The following ITGB1 variants were observed in gnomAD, a reference collection of about 807,000 sequenced individuals.
The protein encoded by ITGB1 is integrin subunit beta 1.
In ITGB1, 24 loss-of-function variants were observed where a neutral mutation model predicts 86.5. The observed-to-expected ratio is 0.28, with a 90% CI of 0.20 to 0.39. ITGB1 has a LOEUF of 0.39. ITGB1 is among the 10% of genes least tolerant of loss of function. The pLI is 1.00. For missense variants in ITGB1, 556 were observed against 946.9 expected, an observed-to-expected ratio of 0.59 and a Z score of 5.42; for synonymous variants, 323 against 316.8, an observed-to-expected ratio of 1.02 and a Z score of -0.21.
intron 5 of ITGB1, among the ~76,000 whole-genome samples, chr10:32,927,617 C>A (rs2094969262): frequency 6.6e-6 from 1 of 151,922 alleles, no homozygotes; most frequent in Non-Finnish European, 1.5e-5. Context: ...CATGGTGAAA[C>A]CCCCATCTCT....
At chr10:32,957,103 T>C (rs903868442) in intron 1 of ITGB1, among the ~76,000 whole-genome samples, 1 of 152,126 alleles carries the variant, frequency 6.6e-6, no homozygotes, top group Admixed American at 6.5e-5. Context: ...AAATAATACA[T>C]GTAAAATGCC....
intron 1 of ITGB1, among the ~76,000 whole-genome samples, chr10:32,948,668 G>A (rs527654798): frequency 6.6e-6 from 1 of 152,226 alleles, no homozygotes; most frequent in South Asian, 2.1e-4. Context: ...GATAAAAGAC[G>A]GAGTTTGGCC....
chr10:32,919,214 C>T lies in ITGB1; in HGVS notation c.1469+671G>A, dbSNP rs574247434. On this transcript the variant is annotated intron_variant, in intron 11 of 15. Coordinates refer to ENST00000302278, the MANE Select transcript of ITGB1 (RefSeq NM_002211.4). ...GCCTTCTAAGCCTAGTCTTTTGGGG[C>T]TGACACTGGATTAAACACTCTTCCC... Among the ~76,000 whole-genome samples the T allele has an allele frequency of 7.9e-5, 12 of 152,208 alleles. No homozygotes were observed. In the East Asian group the frequency reaches 2.1e-3, roughly 27 times the overall value.
intron 15 of ITGB1, among the ~76,000 whole-genome samples, chr10:32,905,040 T>C (rs915388337): frequency 7.9e-5 from 8 of 100,832 alleles, no homozygotes; most frequent in African/African-American, 2.1e-4. Context: ...AAAAAATATG[T>C]ATTAAAAAAA....
At chr10:32,956,585 G>T (rs2095052741) in intron 1 of ITGB1, among the ~76,000 whole-genome samples, 1 of 152,158 alleles carries the variant, frequency 6.6e-6, no homozygotes, top group Admixed American at 6.5e-5. Flanking sequence ...GCAGGCGCCT[G>T]TAGTCCCAGC....
In ITGB1 at chr10:32,928,217, G is replaced by T; in HGVS notation, c.424C>A (p.Pro142Thr). ...TCCATAAGGTAGTAGAGGTCAATGG[G>T]ATAGTCTTCAGCTCTCTTGAATTTT... ...TLKFKRAEDY[P>T]IDLYYLMDLS... The change falls in exon 5 of 16, where the codon CCC becomes ACC. Residue 142 changes from proline (P) to threonine (T), a missense_variant. Pro to Thr is a conservative substitution (Grantham distance 38, BLOSUM62 -1). Coordinates refer to ENST00000302278, the MANE Select transcript of ITGB1 (RefSeq NM_002211.4). 1.0e-6 allele frequency: 1 copy of T among 955,844 alleles called. No individual in the cohort carries two copies. Among genetic ancestry groups the T allele is most frequent in the Non-Finnish European group, 1.7e-6 (1 of 578,414 alleles). The allele number at this position is 955,844 out of a possible 1,614,324, so 59.2% of individuals were successfully genotyped here.
Position 32,920,189 on chromosome 10 carries a change from T to G in ITGB1, c.1269+56A>C, listed in dbSNP as rs1047793723. ...TTTTAATGTTTCTCAAACTATAAACTAAATTTGCTTATAAATAACCAATGT... is the reference window on the plus strand; with the variant it reads ...TTTTAATGTTTCTCAAACTATAAACGAAATTTGCTTATAAATAACCAATGT... On this transcript the variant is annotated intron_variant, in intron 10 of 15. Transcript: ENST00000302278. 3 of 1,578,360 alleles carry G rather than the reference T, an allele frequency of 1.9e-6. No individual in the cohort carries two copies. The Admixed American group carries it at 5.3e-5, about 28-fold the overall frequency.
Position 32,911,613 on chromosome 10 carries a change from G to T in ITGB1, c.1766C>A (p.Ala589Glu). 6.2e-7 allele frequency: 1 copy of T among 1,614,144 alleles called. No individual in the cohort carries two copies. Among genetic ancestry groups the T allele is most frequent in the Non-Finnish European group, 8.5e-7 (1 of 1,180,018 alleles). Residue 589 changes from alanine (A) to glutamate (E), a missense_variant, in exon 13 of 16, where the codon GCA becomes GAA. Physicochemically the swap from Ala to Glu is moderately radical, Grantham distance 107. Coordinates refer to ENST00000302278, the MANE Select transcript of ITGB1 (RefSeq NM_002211.4). ...CECNPNYTGS[A>E]CDCSLDTSTC... The stretch of plus-strand genomic sequence containing the variant: ...ACTAGTATCCAAAGAACAGTCACAT[G>T]CACTGCCAGTGTAGTTGGGGTTGCA...
chr10:32,932,616 A>C lies in ITGB1; in HGVS notation c.68-16T>G, dbSNP rs1410864327. 4 of 1,412,058 alleles carry C rather than the reference A, an allele frequency of 2.8e-6. No individual in the cohort carries two copies. The highest frequency in any genetic ancestry group is 3.4e-5 in the Admixed American group (2 of 59,518). The allele number at this position is 1,412,058 out of a possible 1,614,324, so 87.5% of individuals were successfully genotyped here. On this transcript the variant is annotated splice_polypyrimidine_tract_variant and intron_variant, in intron 2 of 15. Coordinates refer to ENST00000302278, the MANE Select transcript of ITGB1 (RefSeq NM_002211.4). ...CTATTTTCATCTGTCAGAAAGAAGAAAGAACAGAACATTTTATGTGAAGTG... is the reference window on the plus strand; with the variant it reads ...CTATTTTCATCTGTCAGAAAGAAGACAGAACAGAACATTTTATGTGAAGTG...
chr10:32,929,727 C>A (rs535556079), intron 4 of ITGB1, 95 bp downstream of exon 4: 13 of 750,860 alleles, frequency 1.7e-5, no homozygotes, highest in Non-Finnish European at 2.6e-5. Flanking sequence ...CATGTAAAAA[C>A]GAGCCTTCAA....
At chr10:32,946,738 G>A (rs2095031850) in intron 1 of ITGB1, among the ~76,000 whole-genome samples, 1 of 81,510 alleles carries the variant, frequency 1.2e-5, no homozygotes, top group Non-Finnish European at 2.1e-5. Context: ...TAAGTGGTTT[G>A]TATGTATTTC....
At chr10:32,950,243 A>C in intron 1 of ITGB1, among the ~76,000 whole-genome samples, 1 of 152,238 alleles carries the variant, frequency 6.6e-6, no homozygotes, top group Middle Eastern at 3.2e-3. Context: ...CCAGAAGAAG[A>C]ACACAGAGCC....
At chr10:32,910,025 A>C (rs1565819092) in intron 14 of ITGB1, among the ~76,000 whole-genome samples, 198 bp downstream of exon 14, 1 of 152,194 alleles carries the variant, frequency 6.6e-6, no homozygotes, top group East Asian at 1.9e-4. Context: ...TCCACTCAGA[A>C]AACTTAAAAG....
In ITGB1 at chr10:32,913,738, T is replaced by C. The variant is rs565149870; in HGVS notation, c.1470-1614A>G. 6.6e-5 allele frequency among the ~76,000 whole-genome samples: 10 copies of C among 152,236 alleles called. No homozygotes were observed. In the South Asian group the frequency reaches 8.3e-4, roughly 13 times the overall value. ...GAGAATGGAACCAAGTTGGAAAACA[T>C]TTTTCAGGATATTATCCAGGAGAAC... On this transcript the variant is annotated intron_variant, in intron 11 of 15. Transcript: ENST00000302278.
intron 11 of ITGB1, among the ~76,000 whole-genome samples, chr10:32,912,372 C>G (rs2137173228): frequency 6.6e-6 from 1 of 152,310 alleles, no homozygotes; most frequent in African/African-American, 2.4e-5. Flanking sequence ...CACAAGGGGT[C>G]AAGGAATTCC....
intron 1 of ITGB1, among the ~76,000 whole-genome samples, chr10:32,937,701 TAAC>T (rs566192340): frequency 5.2e-4 from 79 of 152,150 alleles, no homozygotes; most frequent in African/African-American, 1.7e-3. Context: ...AATCTGAAGA[TAAC>T]AAAGAGTTAT....
intron 12 of ITGB1, 24 bp from the exon 13 acceptor site, chr10:32,911,694 C>G: frequency 1.2e-6 from 2 of 1,606,790 alleles, no homozygotes; most frequent in Non-Finnish European, 1.7e-6. Flanking sequence ...TATCATTTCT[C>G]AAAATGGTAA....
intron 8 of ITGB1, 122 bp from the exon 9 acceptor site, chr10:32,922,468 G>T: frequency 1.3e-6 from 1 of 799,764 alleles, no homozygotes; most frequent in East Asian, 2.6e-5. Context: ...AACTTTAGGA[G>T]TCAAACCTAG....
intron 3 of ITGB1, among the ~76,000 whole-genome samples, chr10:32,932,196 A>G (rs1398823640): frequency 6.6e-6 from 1 of 152,174 alleles, no homozygotes; most frequent in Non-Finnish European, 1.5e-5. Context: ...CTAAAAAAAG[A>G]AAAAGAGAAA....
Sources: gnomAD v4.1 joint callset for allele counts (sites outside exome capture counted in the v4.1 genomes callset) on GRCh38, gnomAD v4.1.1 for gene constraint, MANE v1.5 for transcripts, NCBI Gene and HGNC (gene_info 2026-07-23, HGNC 2026-07-21) for gene names.